ARHGAP32: variants seen among roughly 807,000 people sequenced by gnomAD.
ARHGAP32 encodes rho GTPase-activating protein 32.
Under a neutral mutation model 186.5 loss-of-function variants are expected in ARHGAP32, and 51 were observed. That is an observed-to-expected ratio of 0.27 (90% CI 0.22 to 0.35). ARHGAP32 has a LOEUF of 0.35. ARHGAP32 is among the 10% of genes least tolerant of loss of function. ARHGAP32 has a pLI of 1.00. For missense variants in ARHGAP32, 2,186 were observed against 2,623.5 expected (o/e 0.83, Z 3.64); for synonymous variants, 950 against 964.3 (o/e 0.99, Z 0.27).
chr11:129,132,478 GAA>G (rs552013734), intron 2 of ARHGAP32, among the ~76,000 whole-genome samples: 5 of 136,834 alleles, frequency 3.7e-5, no homozygotes, highest in Non-Finnish European at 1.6e-5. Context: ...ATCAGGGGGA[GAA>G]AAAAAAAAAA....
chr11:129,241,241 T>C (rs1325531781), intron 1 of ARHGAP32, among the ~76,000 whole-genome samples: 2 of 152,210 alleles, frequency 1.3e-5, no homozygotes, highest in Non-Finnish European at 2.9e-5. Flanking sequence ...CATAGATACA[T>C]GGTAACTTAC....
In ARHGAP32 at chr11:129,133,688, T is replaced by C. The variant is rs564378763; in HGVS notation, c.226-8794A>G. 3.9e-3 allele frequency among the ~76,000 whole-genome samples: 594 copies of C among 152,082 alleles called. 2 individuals carry two copies. The highest frequency in any genetic ancestry group is 0.014 in the African/African-American group (568 of 41,478). ...ATATCCTTCAGAAATGATGTAAAAA[T>C]AAGAACATACTAAGATAAGAGAAAA... On this transcript the variant is annotated intron_variant, in intron 2 of 22. Transcript: ENST00000682385.
chr11:129,028,325 C>T (rs1453115321), intron 11 of ARHGAP32, among the ~76,000 whole-genome samples: 2 of 151,826 alleles, frequency 1.3e-5, no homozygotes, highest in African/African-American at 2.4e-5. Flanking sequence ...CAGTCACAAG[C>T]GAGGGAAGGG....
intron 5 of ARHGAP32, among the ~76,000 whole-genome samples, chr11:129,104,369 T>A (rs1239153624): frequency 6.6e-6 from 1 of 151,800 alleles, no homozygotes; most frequent in African/African-American, 2.4e-5. Context: ...GAGGAAAGAG[T>A]GATCACAGTT....
intron 6 of ARHGAP32, among the ~76,000 whole-genome samples, chr11:129,074,780 C>T (rs1279893972): frequency 6.6e-6 from 1 of 152,080 alleles, no homozygotes; most frequent in Non-Finnish European, 1.5e-5. Flanking sequence ...GCATGAGCCA[C>T]CACACCCGGC....
intron 1 of ARHGAP32, among the ~76,000 whole-genome samples, chr11:129,226,288 C>G (rs1944781147): frequency 6.6e-6 from 1 of 152,090 alleles, no homozygotes; most frequent in Non-Finnish European, 1.5e-5. Context: ...ATATCCAAAA[C>G]AAACTCCAAG....
At position 128,969,116 on chromosome 11, in the gene ARHGAP32, C is replaced by A; in HGVS notation, c.6097G>T (p.Val2033Phe). The change falls in exon 23 of 23, where the codon GTT (valine) becomes TTT (phenylalanine). Residue 2033 changes from valine to phenylalanine, a missense_variant. By Grantham distance (50) the Val-to-Phe change is conservative. Coordinates refer to ENST00000682385, the MANE Select transcript of ARHGAP32 (RefSeq NM_001378024.1). The surrounding 1 kb of genome is among the most constrained non-coding windows in gnomAD (Gnocchi z 4.8). ...TCCAGGTTATCATACTGGGACACAA[C>A]AGTCACACTGCTCTGGCGCTTGCCG... is the stretch of plus-strand genomic sequence containing the variant. ...PHGKRQSSVTVVSQYDNLEDY... is the reference protein window; with the variant it reads ...PHGKRQSSVTFVSQYDNLEDY... 6.2e-7 allele frequency: 1 copy of A among 1,605,320 alleles called. No individual in the cohort carries two copies. Among genetic ancestry groups the A allele is most frequent in the African/African-American group, 1.3e-5 (1 of 74,944 alleles).
intron 1 of ARHGAP32, among the ~76,000 whole-genome samples, chr11:129,183,665 G>T (rs981037721): frequency 1.3e-5 from 2 of 152,052 alleles, no homozygotes; most frequent in Admixed American, 1.3e-4. Flanking sequence ...TGGAATGCTT[G>T]ACCATATCTT....
intron 15 of ARHGAP32, among the ~76,000 whole-genome samples, chr11:128,985,260 C>G (rs944015635): frequency 3.9e-5 from 6 of 152,106 alleles, no homozygotes; most frequent in African/African-American, 1.4e-4. Context: ...TCAGGTGATC[C>G]ACCCACCTCG....
At chr11:129,277,274 C>T (rs1467368024) in intron 1 of ARHGAP32, among the ~76,000 whole-genome samples, 1 of 151,630 alleles carries the variant, frequency 6.6e-6, no homozygotes, top group African/African-American at 2.4e-5. Flanking sequence ...ATTAGTGTCG[C>T]AGGCCAACTT....
chr11:129,047,111 G>C (rs1276492299), intron 10 of ARHGAP32, among the ~76,000 whole-genome samples: 1 of 147,382 alleles, frequency 6.8e-6, no homozygotes, highest in Non-Finnish European at 1.5e-5. Flanking sequence ...CTGGGTGACA[G>C]AGTGAAAGAC....
chr11:129,230,167 T>C (rs966043145), intron 1 of ARHGAP32, among the ~76,000 whole-genome samples: 6 of 152,082 alleles, frequency 3.9e-5, no homozygotes, highest in Non-Finnish European at 7.4e-5. Context: ...TACTGAAGAA[T>C]TGGGACATTG....
chr11:129,135,003 G>A (rs938775218), intron 2 of ARHGAP32, among the ~76,000 whole-genome samples: 6 of 152,106 alleles, frequency 3.9e-5, no homozygotes, highest in Non-Finnish European at 7.4e-5. Context: ...AACACATTGA[G>A]ACAGAACTCT....
chr11:129,009,876 T>A (rs930309237), intron 11 of ARHGAP32, among the ~76,000 whole-genome samples: 1 of 152,222 alleles, frequency 6.6e-6, no homozygotes, highest in Non-Finnish European at 1.5e-5. Context: ...TGCTTCCAGA[T>A]CTTTGAGGAA....
At chr11:129,209,250 C>G (rs974859568) in intron 1 of ARHGAP32, among the ~76,000 whole-genome samples, 1 of 151,888 alleles carries the variant, frequency 6.6e-6, no homozygotes, top group Non-Finnish European at 1.5e-5. Context: ...GCATTCAAAC[C>G]TTAAGGTGAA....
At chr11:129,136,155 C>CA (rs1942931992) in intron 2 of ARHGAP32, among the ~76,000 whole-genome samples, 1 of 151,840 alleles carries the variant, frequency 6.6e-6, no homozygotes, top group Non-Finnish European at 1.5e-5. Flanking sequence ...AAAAAAAAGG[C>CA]AAAACTTGAA....
intron 1 of ARHGAP32, among the ~76,000 whole-genome samples, chr11:129,178,694 A>G (rs1943977807): frequency 6.6e-6 from 1 of 152,218 alleles, no homozygotes; most frequent in Non-Finnish European, 1.5e-5. Flanking sequence ...CAATGGGGAA[A>G]GGATTCCCTA....
chr11:129,137,116 G>A (rs1942952489), intron 2 of ARHGAP32, among the ~76,000 whole-genome samples: 1 of 151,390 alleles, frequency 6.6e-6, no homozygotes, highest in South Asian at 2.1e-4. Context: ...TTATTGCTAT[G>A]AAGTAGTCTT....
chr11:129,244,919 G>C (rs1945070897), intron 1 of ARHGAP32, among the ~76,000 whole-genome samples: 1 of 151,204 alleles, frequency 6.6e-6, no homozygotes, highest in Admixed American at 6.6e-5. Context: ...ACACCAGTTA[G>C]AATGGCAATC....
Sources: gnomAD v4.1 joint callset for allele counts (sites outside exome capture counted in the v4.1 genomes callset) on GRCh38, gnomAD v4.1.1 for gene constraint, Gnocchi (gnomAD v3.1) non-coding constraint, MANE v1.5 for transcripts, NCBI Gene and HGNC (gene_info 2026-07-23, HGNC 2026-07-21) for gene names.